The following USP31 variants were observed in gnomAD, a reference collection of about 807,000 sequenced individuals.
The protein encoded by USP31 is ubiquitin specific peptidase 31, also known as ubiquitin carboxyl-terminal hydrolase 31.
USP31 carries 44 observed loss-of-function variants against 119.4 expected under a neutral mutation model. The observed-to-expected ratio is 0.37, with a 90% CI of 0.29 to 0.47. USP31 has a LOEUF of 0.47. Ranked by LOEUF, USP31 falls within the 20% of genes least tolerant of loss-of-function variation. The pLI is 0.99. For missense variants in USP31, 1,643 were observed against 1,730.2 expected (o/e 0.95, Z 0.89); for synonymous variants, 749 against 705.6 (o/e 1.06, Z -0.97).
At chr16:23,114,616 C>T (rs978078764) in intron 1 of USP31, among the ~76,000 whole-genome samples, 6 of 152,150 alleles carry the variant, frequency 3.9e-5, no homozygotes, top group African/African-American at 4.8e-5. Flanking sequence ...AATTTGTTTA[C>T]GCTTCTGTCC....
intron 6 of USP31, 86 bp from the exon 7 acceptor site, chr16:23,090,890 ATT>A: frequency 7.8e-7 from 1 of 1,285,976 alleles, no homozygotes; most frequent in Non-Finnish European, 1.0e-6. Flanking sequence ...AACAGAGAAA[ATT>A]TTTTTTAAAA....
At chr16:23,087,269 G>C in intron 8 of USP31, 83 bp from the exon 9 acceptor site, 1 of 1,230,444 alleles carries the variant, frequency 8.1e-7, no homozygotes, top group Non-Finnish European at 1.2e-6. Flanking sequence ...AAACAGATTA[G>C]AGTTACAGTA....
In USP31 at chr16:23,072,158, C is replaced by T. The variant is rs763067770; in HGVS notation, c.2375G>A (p.Arg792Gln). The T allele has an allele frequency of 5.0e-6, 8 of 1,610,736 alleles. No homozygotes were observed. The highest frequency in any genetic ancestry group is 2.2e-5 in the East Asian group (1 of 44,880). The change falls in exon 15 of 16, where the codon CGG (arginine) becomes CAG (glutamine). Residue 792 changes from arginine to glutamine, a missense_variant. Arg to Gln is a conservative substitution (Grantham distance 43, BLOSUM62 1). This residue lies in a region of USP31 where 279 missense variants were observed against 372.2 expected (regional missense o/e 0.75). Coordinates refer to ENST00000219689, the MANE Select transcript of USP31 (RefSeq NM_020718.4). The stretch of plus-strand genomic sequence containing the variant: ...GCTGGCTGGCTTGCTGCCCGGGAGC[C>T]GGCTCACCCAGTGTTCACACAGGGA... ...SSSLCEHWVS[R>Q]LPGSKPASVT...
At chr16:23,080,888 C>T (rs1322841308) in intron 12 of USP31, among the ~76,000 whole-genome samples, 1 of 152,118 alleles carries the variant, frequency 6.6e-6, no homozygotes, top group Non-Finnish European at 1.5e-5. Context: ...GTCAGGAAGG[C>T]CAGCCTGAAG....
Position 23,063,713 on chromosome 16 carries a change from A to C in USP31, c.*4333T>G, listed in dbSNP as rs1051258346. 6.6e-6 allele frequency: 1 copy of C among 151,416 alleles called. No homozygotes were observed. The highest frequency in any genetic ancestry group is 1.5e-5 in the Non-Finnish European group (1 of 67,854). 9.4% of individuals were successfully genotyped at this position (151,416 alleles called of 1,614,324 possible). On this transcript the variant is annotated 3_prime_UTR_variant, in exon 16 of 16. Coordinates refer to ENST00000219689, the MANE Select transcript of USP31 (RefSeq NM_020718.4). ...TATTTTGAAAATCACAAATTTAAAA[A>C]TAGAGCTCCATAATTGTTGCCTTTT...
chr16:23,117,751 C>CTTTTTTTTTTTTTTTT (rs67615111), intron 1 of USP31, among the ~76,000 whole-genome samples: 1 of 141,598 alleles, frequency 7.1e-6, no homozygotes, highest in African/African-American at 2.6e-5. Context: ...TTTTCCTTTT[C>CTTTTTTTTTTTTTTTT]TTTTTTTTTT....
At chr16:23,078,777 G>A (rs1425613046) in intron 13 of USP31, among the ~76,000 whole-genome samples, 1 of 152,190 alleles carries the variant, frequency 6.6e-6, no homozygotes, top group Non-Finnish European at 1.5e-5. Flanking sequence ...CAAAATGCCA[G>A]TAAAATCCCA....
At chr16:23,143,604 A>T (rs978351352) in intron 1 of USP31, among the ~76,000 whole-genome samples, 1 of 151,294 alleles carries the variant, frequency 6.6e-6, no homozygotes, top group African/African-American at 2.4e-5. Flanking sequence ...GGAGAGAGAG[A>T]GAAAGAGAGA....
chr16:23,087,847 C>T lies in USP31; in HGVS notation c.1416-12G>A, dbSNP rs377292358. On this transcript the variant is annotated splice_polypyrimidine_tract_variant and intron_variant, in intron 7 of 15. Transcript: ENST00000219689. ...AAGGCAGTCCAAATCTAACACACAT[C>T]AACAATGTAATCACCTTTAAAGTAC... is the stretch of plus-strand genomic sequence containing the variant. 2 of 1,605,132 alleles carry T rather than the reference C, an allele frequency of 1.2e-6. No individual in the cohort carries two copies. The highest frequency in any genetic ancestry group is 3.3e-5 in the Admixed American group (2 of 59,970).
rs756220977 is a variant in USP31 at position 23,087,087 on chromosome 16, T to C, written c.1622+5A>G. ...AAAGGTAATTTAAAAAAAAATTTTT[T>C]TTACCTTTCTACTATTGGGTGGCAC... On this transcript the variant is annotated splice_donor_5th_base_variant and intron_variant, in intron 9 of 15. Transcript: ENST00000219689. 1.9e-6 allele frequency: 3 copies of C among 1,602,478 alleles called. No homozygotes were observed.
Position 23,063,498 on chromosome 16 carries a change from A to T in USP31, c.*4548T>A, listed in dbSNP as rs148599139. 796 of 152,774 alleles carry T rather than the reference A, an allele frequency of 5.2e-3. 10 individuals carry two copies. Among genetic ancestry groups the T allele is most frequent in the South Asian group, 0.022 (105 of 4,834 alleles). The allele number at this position is 152,774 out of a possible 1,614,324, so 9.5% of individuals were successfully genotyped here. A position where few individuals can be genotyped will look rare whatever the true frequency, so the allele number is the denominator to read the frequency against. ...AATGGCAGGTTATTTTTAGAACAAAACACTTTAGGAAAGTCTTCAGGCTAA... is the reference window on the plus strand; with the variant it reads ...AATGGCAGGTTATTTTTAGAACAAATCACTTTAGGAAAGTCTTCAGGCTAA... On this transcript the variant is annotated 3_prime_UTR_variant, in exon 16 of 16. Coordinates refer to ENST00000219689, the MANE Select transcript of USP31 (RefSeq NM_020718.4).
In USP31 at chr16:23,068,286, T is replaced by C; in HGVS notation, c.3819A>G (p.Arg1273=). ...CKNTGDDEAE[R]GHQPPASQQP... is the part of the protein sequence containing the mutation. ...GCTGGGAAGCTGGAGGCTGGTGGCCTCTCTCTGCCTCGTCGTCCCCGGTGT... is the reference window on the plus strand; with the variant it reads ...GCTGGGAAGCTGGAGGCTGGTGGCCCCTCTCTGCCTCGTCGTCCCCGGTGT... Residue 1273 remains arginine, a synonymous_variant, in exon 16 of 16, where the codon AGA becomes AGG. Transcript: ENST00000219689. The C allele has an allele frequency of 6.2e-7, 1 of 1,613,916 alleles. No homozygotes were observed. Among genetic ancestry groups the C allele is most frequent in the Non-Finnish European group, 8.5e-7 (1 of 1,179,828 alleles).
intron 6 of USP31, among the ~76,000 whole-genome samples, chr16:23,098,483 C>T (rs1210695625): frequency 6.6e-6 from 1 of 152,094 alleles, no homozygotes; most frequent in Non-Finnish European, 1.5e-5. Context: ...CTTCAAAGTT[C>T]ATATGGAACC....
rs955866719 is a variant in USP31 at position 23,066,466 on chromosome 16, T to C, written c.*1580A>G. On this transcript the variant is annotated 3_prime_UTR_variant, in exon 16 of 16. Coordinates refer to ENST00000219689, the MANE Select transcript of USP31 (RefSeq NM_020718.4). ...CACAGCTATGCATGCATATGTGTTG[T>C]AGTTAATTCACACACAGCAATACTG... 4.6e-5 allele frequency: 7 copies of C among 152,384 alleles called. No homozygotes were observed. The highest frequency in any genetic ancestry group is 1.7e-4 in the African/African-American group (7 of 41,442). The allele number at this position is 152,384 out of a possible 1,614,324, so 9.4% of individuals were successfully genotyped here.
chr16:23,072,475 A>T (rs1186070081), intron 14 of USP31: 2 of 596,012 alleles, frequency 3.4e-6, no homozygotes, highest in Non-Finnish European at 6.0e-6. Context: ...TCTGAGTCTA[A>T]AGAATTGGCA....
intron 13 of USP31, 48 bp downstream of exon 13, chr16:23,079,898 G>A (rs1342238778): frequency 7.3e-6 from 11 of 1,506,638 alleles, no homozygotes; most frequent in East Asian, 2.5e-5. Flanking sequence ...AAGCAAACCC[G>A]TCTGAAGGAC....
At position 23,061,844 on chromosome 16, in the gene USP31, A is replaced by G. The variant is rs1487753692; in HGVS notation, c.*6202T>C. The stretch of plus-strand genomic sequence containing the variant: ...AACTGAAGAGTTCAATCAAGAAACG[A>G]CTTATGTCAATGAGGCTTAAATTCA... On this transcript the variant is annotated 3_prime_UTR_variant, in exon 16 of 16. Transcript: ENST00000219689. 6.5e-6 allele frequency: 1 copy of G among 152,680 alleles called. No individual in the cohort carries two copies. The highest frequency in any genetic ancestry group is 2.4e-5 in the African/African-American group (1 of 41,468). 9.5% of individuals were successfully genotyped at this position (152,680 alleles called of 1,614,324 possible).
chr16:23,110,631 G>C (rs996915550), intron 1 of USP31, among the ~76,000 whole-genome samples: 1 of 152,136 alleles, frequency 6.6e-6, no homozygotes, highest in East Asian at 1.9e-4. Context: ...TTAAGATCAC[G>C]GGCTCTGGAC....
intron 1 of USP31, among the ~76,000 whole-genome samples, chr16:23,147,827 T>G (rs975579999): frequency 6.6e-6 from 1 of 152,148 alleles, no homozygotes; most frequent in Non-Finnish European, 1.5e-5. Flanking sequence ...GTCCCAGCTA[T>G]TAAATACTCT....
Sources: allele counts gnomAD v4.1 joint callset (sites outside exome capture counted in the v4.1 genomes callset), GRCh38; gene constraint gnomAD v4.1.1; regional missense constraint gnomAD v4.1.1; transcripts MANE v1.5; gene names NCBI Gene and HGNC (gene_info 2026-07-23, HGNC 2026-07-21).